The following APAF1 variants were observed in gnomAD, a reference collection of about 807,000 sequenced individuals.
The protein encoded by APAF1 is apoptotic peptidase activating factor 1.
A neutral mutation model predicts 152.4 loss-of-function variants in APAF1; 91 were observed. The observed-to-expected ratio is 0.60, with a 90% CI of 0.50 to 0.71. The LOEUF (loss-of-function observed/expected upper bound fraction) is 0.71, where lower values mean the gene tolerates loss of function less well. APAF1 is among the 30% of genes least tolerant of loss of function. The pLI is 0.00. For synonymous variants in APAF1, 484 were observed against 494.1 expected (o/e 0.98, Z 0.27); for missense variants, 1,283 against 1,472.0 (o/e 0.87, Z 2.10).
chr12:98,715,016 A>T (rs2097732458), intron 21 of APAF1, among the ~76,000 whole-genome samples: 1 of 146,234 alleles, frequency 6.8e-6, no homozygotes, highest in Admixed American at 6.8e-5. Context: ...TTTATGAATA[A>T]TTTGCCTTCT....
At chr12:98,652,362 G>A (rs1169426454) in intron 4 of APAF1, among the ~76,000 whole-genome samples, 1 of 152,258 alleles carries the variant, frequency 6.6e-6, no homozygotes, top group Non-Finnish European at 1.5e-5. Context: ...GTGCAGTGAC[G>A]GTTGGTATGA....
chr12:98,703,023 A>G (rs1156654379), intron 17 of APAF1, among the ~76,000 whole-genome samples: 1 of 152,186 alleles, frequency 6.6e-6, no homozygotes, highest in African/African-American at 2.4e-5. Flanking sequence ...ATCTTCATTT[A>G]TGAGTATTCA....
At position 98,659,314 on chromosome 12, in the gene APAF1, C is replaced by T. The variant is rs1378841666; in HGVS notation, c.681C>T (p.Leu227=). Reference sequence around the variant, plus strand: ...ATATTGAAGAGGCTAAAGACCGTCTCCGCATTCTGATGCTTCGCAAACACC... The same window carrying T: ...ATATTGAAGAGGCTAAAGACCGTCTTCGCATTCTGATGCTTCGCAAACACC... ...PLNIEEAKDR[L]RILMLRKHPR... The change falls in exon 5 of 27, where the codon CTC becomes CTT. Residue 227 remains leucine (L), a synonymous_variant. Transcript: ENST00000551964. The T allele has an allele frequency of 1.2e-6, 2 of 1,614,056 alleles. No individual in the cohort carries two copies. The highest frequency in any genetic ancestry group is 1.1e-5 in the South Asian group (1 of 91,084).
chr12:98,715,365 G>A (rs2097733562), intron 21 of APAF1, 62 bp from the exon 22 acceptor site: 1 of 1,529,896 alleles, frequency 6.5e-7, no homozygotes, highest in Non-Finnish European at 9.0e-7. Flanking sequence ...AATATCTTTG[G>A]GGTGTAATGC....
chr12:98,664,963 T>C (rs2097670264), intron 7 of APAF1, among the ~76,000 whole-genome samples: 2 of 152,192 alleles, frequency 1.3e-5, no homozygotes, highest in Non-Finnish European at 2.9e-5. Flanking sequence ...TATTGGACAT[T>C]GTTTACGTTG....
At chr12:98,656,946 A>G (rs1221736642) in intron 4 of APAF1, among the ~76,000 whole-genome samples, 1 of 152,154 alleles carries the variant, frequency 6.6e-6, no homozygotes, top group East Asian at 1.9e-4. Context: ...GAGTTCGTAG[A>G]TTATAACCTT....
chr12:98,665,271 T>TAA (rs2097670813), intron 7 of APAF1, among the ~76,000 whole-genome samples: 2 of 104,468 alleles, frequency 1.9e-5, no homozygotes, highest in African/African-American at 7.7e-5. Flanking sequence ...TATATATATA[T>TAA]ATATATATTT....
intron 15 of APAF1, among the ~76,000 whole-genome samples, chr12:98,684,501 T>G (rs1419407708): frequency 1.9e-5 from 2 of 102,790 alleles, no homozygotes; most frequent in African/African-American, 7.6e-5. Flanking sequence ...TCCCTCCTCC[T>G]CCCCCCACCC....
intron 21 of APAF1, among the ~76,000 whole-genome samples, chr12:98,715,219 A>AGGCATACATGGTG (rs2097732794): frequency 8.0e-6 from 1 of 125,026 alleles, no homozygotes; most frequent in Non-Finnish European, 1.6e-5. Context: ...GTTTGCATGT[A>AGGCATACATGGTG]GGCATACATG....
At chr12:98,707,094 AT>A (rs35072360) in intron 19 of APAF1, among the ~76,000 whole-genome samples, 74 of 151,188 alleles carry the variant, frequency 4.9e-4, no homozygotes, top group Non-Finnish European at 8.8e-4. Context: ...CTTCTAAGAT[AT>A]TTTTTTTTCA....
chr12:98,668,131 C>T (rs1008283795), intron 10 of APAF1, among the ~76,000 whole-genome samples: 4 of 152,088 alleles, frequency 2.6e-5, no homozygotes, highest in African/African-American at 7.2e-5. Flanking sequence ...TTGTTGTCGT[C>T]GTTGTTTGGT....
At position 98,659,278 on chromosome 12, in the gene APAF1, G is replaced by C. The variant is rs1207717759; in HGVS notation, c.645G>C (p.Arg215Ser). The C allele has an allele frequency of 6.2e-7, 1 of 1,614,128 alleles. No individual in the cohort carries two copies. Among genetic ancestry groups the C allele is most frequent in the South Asian group, 1.1e-5 (1 of 91,080 alleles). The change falls in exon 5 of 27, where the codon AGG becomes AGC. Residue 215 changes from arginine (R) to serine (S), a missense_variant. Coordinates refer to ENST00000551964, the MANE Select transcript of APAF1 (RefSeq NM_181861.2). ...RLDQDESFSQ[R>S]LPLNIEEAKD... Reference sequence around the variant, plus strand: ...ATCAGGATGAGAGTTTTTCCCAGAGGCTTCCACTTAATATTGAAGAGGCTA... The same window carrying C: ...ATCAGGATGAGAGTTTTTCCCAGAGCCTTCCACTTAATATTGAAGAGGCTA...
rs2097666550 is a variant in APAF1 at position 98,662,329 on chromosome 12, C to G, written c.711-127C>G. The G allele has an allele frequency of 1.6e-5, 11 of 684,216 alleles. No individual in the cohort carries two copies. The East Asian group carries it at 3.0e-4, about 19-fold the overall frequency. The allele number at this position is 684,216 out of a possible 1,614,324, so 42.4% of individuals were successfully genotyped here. On this transcript the variant is annotated intron_variant, in intron 5 of 26. Coordinates refer to ENST00000551964, the MANE Select transcript of APAF1 (RefSeq NM_181861.2). Reference sequence around the variant, plus strand: ...AAGAGGAAGAATCATTTTCCTAGATCTAGCCATCTATTTGTTTTAAAAAAA... The same window carrying G: ...AAGAGGAAGAATCATTTTCCTAGATGTAGCCATCTATTTGTTTTAAAAAAA...
intron 20 of APAF1, 67 bp downstream of exon 20, chr12:98,708,771 G>C (rs1010790855): frequency 2.6e-6 from 4 of 1,540,862 alleles, no homozygotes; most frequent in Non-Finnish European, 3.6e-6. Context: ...GGTTTTTCTT[G>C]TTTTTGGACT....
Position 98,732,498 on chromosome 12 carries a change from CCT to C in APAF1, c.3680_3681del (p.Pro1227ArgfsTer10). 6.3e-7 allele frequency: 1 copy of C among 1,595,096 alleles called. No homozygotes were observed. ...CAATCTTAAGAAAATACACGTGTCC[CCT>C]GACTTCAAAACATATGTGACTGTGG... ...GTNLKKIHVS[P>X]DFKTYVTVDN... On this transcript the variant is annotated frameshift_variant, in exon 27 of 27. Coordinates refer to ENST00000551964, the MANE Select transcript of APAF1 (RefSeq NM_181861.2). LOFTEE classifies it high-confidence loss of function.
intron 13 of APAF1, among the ~76,000 whole-genome samples, chr12:98,678,387 A>G (rs1326052067): frequency 6.6e-6 from 1 of 152,192 alleles, no homozygotes; most frequent in African/African-American, 2.4e-5. Flanking sequence ...AGCTGGCGGT[A>G]GCTGGGGACA....
intron 14 of APAF1, among the ~76,000 whole-genome samples, chr12:98,682,201 C>T (rs1593061473): frequency 6.6e-6 from 1 of 151,906 alleles, no homozygotes; most frequent in Non-Finnish European, 1.5e-5. Context: ...CTACAGGCGG[C>T]CGCCACCGCG....
At chr12:98,712,750 G>T (rs1017926410) in intron 21 of APAF1, 8 of 301,210 alleles carry the variant, frequency 2.7e-5, no homozygotes, top group Middle Eastern at 2.3e-3. Flanking sequence ...CTGGGTTTAA[G>T]CGATTGTCCG....
At chr12:98,648,964 T>A in intron 3 of APAF1, 149 bp downstream of exon 3, 1 of 864,548 alleles carries the variant, frequency 1.2e-6, no homozygotes. Flanking sequence ...ATTTAAATAT[T>A]TTTTATTTGC....
Sources: allele counts gnomAD v4.1 joint callset (sites outside exome capture counted in the v4.1 genomes callset), GRCh38; gene constraint gnomAD v4.1.1; transcripts MANE v1.5; gene names NCBI Gene and HGNC (gene_info 2026-07-23, HGNC 2026-07-21).